Variants in LHX3 observed in about 807,000 individuals in gnomAD.
The protein encoded by LHX3 is LIM homeobox 3.
In LHX3, 21 loss-of-function variants were observed where a neutral mutation model predicts 32.4. That is an observed-to-expected ratio of 0.65 (90% CI 0.46 to 0.93). The LOEUF (loss-of-function observed/expected upper bound fraction) is 0.93, where lower values mean the gene tolerates loss of function less well. Ranked by LOEUF, LHX3 falls within the 40% of genes least tolerant of loss-of-function variation. The pLI is 0.00. For synonymous variants in LHX3, 258 were observed against 246.8 expected, an observed-to-expected ratio of 1.05 and a Z score of -0.43; for missense variants, 626 against 560.0, an observed-to-expected ratio of 1.12 and a Z score of -1.19.
rs548140963 is a variant in LHX3, at chr9:136,197,604, C to T, written c.915G>A (p.Gln305=). Residue 305 remains glutamine (Q), a synonymous_variant, in exon 6 of 6, where the codon CAG becomes CAA. Coordinates refer to ENST00000371748, the MANE Select transcript of LHX3 (RefSeq NM_178138.6). ...GGCTGCCGGGACGCAGCTCTCGGTACTGCTCTGGGCCTGCCAGGCCTCCAT... is the reference window on the plus strand; with the variant it reads ...GGCTGCCGGGACGCAGCTCTCGGTATTGCTCTGGGCCTGCCAGGCCTCCAT... ...LEHGGLAGPE[Q]YRELRPGSPY... The T allele has an allele frequency of 1.7e-4, 266 of 1,555,230 alleles. 2 individuals are homozygous for T. The South Asian group carries it at 2.9e-3, about 17-fold the overall frequency.
chr9:136,200,871 G>T, intron 1 of LHX3, 118 bp from the exon 2 acceptor site: 1 of 1,225,708 alleles, frequency 8.2e-7, no homozygotes, highest in Non-Finnish European at 1.2e-6. Flanking sequence ...CTGCCGAGGG[G>T]TCCTCCTTTC....
intron 1 of LHX3, among the ~76,000 whole-genome samples, chr9:136,204,637 A>AC (rs2131041724): frequency 6.6e-6 from 1 of 152,268 alleles, no homozygotes; most frequent in Admixed American, 6.5e-5. Flanking sequence ...GGCACTGGTC[A>AC]CCGGGGGAAC....
chr9:136,198,688 C>T lies in LHX3; in HGVS notation c.739G>A (p.Glu247Lys), dbSNP rs767763626. 109 of 1,610,234 alleles carry T rather than the reference C, an allele frequency of 6.8e-5. No individual in the cohort carries two copies. In the East Asian group the frequency reaches 2.3e-3, roughly 34 times the overall value. The change falls in exon 5 of 6, where the codon GAG (glutamate) becomes AAG (lysine). Residue 247 changes from glutamate to lysine, a missense_variant. By Grantham distance (56) the Glu-to-Lys change is moderately conservative. Transcript: ENST00000371748. ...ACCTCAGCGTCGCTGTCCTGCCCCT[C>T]CTGAACGCTGTCCTTGTCCGACTTG... ...GSKSDKDSVQ[E>K]GQDSDAEVSF...
rs747501839 is a variant in LHX3 at position 136,198,925 on chromosome 9, C to T, written c.589G>A (p.Asp197Asn). The part of the protein sequence containing the change: ...REQLSSETGL[D>N]MRVVQVWFQN... ...GCGCTGACCTGCACCACGCGCATGT[C>T]CAGGCCCGTCTCGGACGAGAGCTGC... Residue 197 changes from aspartate to asparagine, a missense_variant, in exon 4 of 6, where the codon GAC becomes AAC. By Grantham distance (23) the Asp-to-Asn change is conservative. Transcript: ENST00000371748. 4.4e-6 allele frequency: 7 copies of T among 1,588,610 alleles called. No individual in the cohort carries two copies. The highest frequency in any genetic ancestry group is 6.0e-6 in the Non-Finnish European group (7 of 1,172,032).
Position 136,198,735 on chromosome 9 carries a change from A to G in LHX3, c.692T>C (p.Met231Thr), listed in dbSNP as rs751427755. 6 of 1,611,354 alleles carry G rather than the reference A, an allele frequency of 3.7e-6. No homozygotes were observed. Among genetic ancestry groups the G allele is most frequent in the Non-Finnish European group, 5.1e-6 (6 of 1,179,816 alleles). The change falls in exon 5 of 6, where the codon ATG (methionine) becomes ACG (threonine). Residue 231 changes from methionine to threonine, a missense_variant. Met to Thr is a moderately conservative substitution (Grantham distance 81, BLOSUM62 -1). Transcript: ENST00000371748. The stretch of plus-strand genomic sequence containing the variant: ...CTTGGAGCCGCCGCGGGAGCGCTTC[A>G]TGTTGCGGAAATACTGCCCCCAGCG... Reference protein sequence around the residue: ...RQRWGQYFRNMKRSRGGSKSD... With the variant: ...RQRWGQYFRNTKRSRGGSKSD...
intron 2 of LHX3, 78 bp from the exon 3 acceptor site, chr9:136,199,958 C>A (rs1831599637): frequency 1.4e-6 from 2 of 1,443,430 alleles, no homozygotes. Context: ...GAGAGGCAAG[C>A]GGCTGCCTGG....
At position 136,198,816 on chromosome 9, in the gene LHX3, CA is replaced by C. The variant is rs1489239274; in HGVS notation, c.610del (p.Trp204GlyfsTer12). ...TGLDMRVVQV[W>X]FQNRRAKEKR... ...CTCCTTGGCCCGGCGGTTCTGGAAC[CA>C]AACCTGGGGGCGGGGCGGGGTGAGC... On this transcript the variant is annotated frameshift_variant, in exon 5 of 6. Coordinates refer to ENST00000371748, the MANE Select transcript of LHX3 (RefSeq NM_178138.6). LOFTEE classifies it high-confidence loss of function. 2 of 1,606,736 alleles carry C rather than the reference CA, an allele frequency of 1.2e-6. No individual in the cohort carries two copies.
chr9:136,199,579 C>T (rs1831585990), intron 3 of LHX3, 99 bp downstream of exon 3: 11 of 1,314,714 alleles, frequency 8.4e-6, no homozygotes, highest in South Asian at 1.2e-5. Flanking sequence ...CCTTAGTGAG[C>T]GCTTGGGGAG....
intron 1 of LHX3, chr9:136,201,418 C>G (rs775927371): frequency 8.1e-7 from 1 of 1,229,158 alleles, no homozygotes; most frequent in African/African-American, 1.6e-5. Context: ...TCTGGCTTCC[C>G]GCTGCTTCTG....
intron 1 of LHX3, among the ~76,000 whole-genome samples, chr9:136,203,328 G>A (rs1831692544): frequency 6.6e-6 from 1 of 151,866 alleles, no homozygotes; most frequent in Non-Finnish European, 1.5e-5. Context: ...GCCGCCCCGC[G>A]TGCCCGGCCC....
At chr9:136,197,779 C>T in intron 5 of LHX3, 36 bp from the exon 6 acceptor site, 2 of 1,594,948 alleles carry the variant, frequency 1.3e-6, no homozygotes, top group Non-Finnish European at 1.7e-6. Context: ...AGCGCCTGCC[C>T]TCCACCTGCG....
At chr9:136,203,593 G>C (rs12339630) in intron 1 of LHX3, among the ~76,000 whole-genome samples, 4,138 of 152,332 alleles carry the variant, frequency 0.027, 170 homozygotes, top group African/African-American at 0.089. Context: ...GTGGCGCCGA[G>C]GGCTGCGTAC....
chr9:136,198,506 G>C, intron 5 of LHX3, 146 bp downstream of exon 5: 1 of 968,114 alleles, frequency 1.0e-6, no homozygotes, highest in African/African-American at 1.6e-5. Flanking sequence ...GGGGGAGCAG[G>C]TTCTGTAAGT....
At chr9:136,200,448 C>G (rs924656644) in intron 2 of LHX3, 134 bp downstream of exon 2, 1 of 1,057,862 alleles carries the variant, frequency 9.5e-7, no homozygotes, top group Non-Finnish European at 1.4e-6. Context: ...GGTGCCCTGC[C>G]TGGGTGACAG....
chr9:136,198,729 C>T lies in LHX3; in HGVS notation c.698G>A (p.Arg233His), dbSNP rs1304479919. 3 of 1,611,542 alleles carry T rather than the reference C, an allele frequency of 1.9e-6. No individual in the cohort carries two copies. The highest frequency in any genetic ancestry group is 2.2e-5 in the East Asian group (1 of 44,836). Residue 233 changes from arginine (R) to histidine (H), a missense_variant, in exon 5 of 6, where the codon CGC becomes CAC. Coordinates refer to ENST00000371748, the MANE Select transcript of LHX3 (RefSeq NM_178138.6). ...RWGQYFRNMK[R>H]SRGGSKSDKD... ...GTCCGACTTGGAGCCGCCGCGGGAG[C>T]GCTTCATGTTGCGGAAATACTGCCC...
chr9:136,197,555 C>G lies in LHX3; in HGVS notation c.964G>C (p.Ala322Pro). ...GSPYGVPPSP[A>P]APQSLPGPQP... ...GGGCCAGGGAGGCTCTGCGGGGCGG[C>G]GGGGGATGGGGGGACACCGTAGGGG... The change falls in exon 6 of 6, where the codon GCC becomes CCC. Residue 322 changes from alanine to proline, a missense_variant. Coordinates refer to ENST00000371748, the MANE Select transcript of LHX3 (RefSeq NM_178138.6). 20 of 1,268,836 alleles carry G rather than the reference C, an allele frequency of 1.6e-5. No homozygotes were observed. The highest frequency in any genetic ancestry group is 2.2e-5 in the Admixed American group (1 of 45,152). The allele number at this position is 1,268,836 out of a possible 1,614,324, so 78.6% of individuals were successfully genotyped here.
intron 1 of LHX3, chr9:136,203,155 T>C: frequency 7.7e-7 from 1 of 1,306,922 alleles, no homozygotes; most frequent in Non-Finnish European, 9.7e-7. Flanking sequence ...TGCTGGGCGC[T>C]GCGCCCGCGG....
At position 136,200,769 on chromosome 9, in the gene LHX3, A is replaced by G; in HGVS notation, c.80-16T>C. On this transcript the variant is annotated splice_polypyrimidine_tract_variant and intron_variant, in intron 1 of 5. Transcript: ENST00000371748. ...AGCGGGATCTCTGTGGGCACGAGGA[A>G]GTTCTGGGTCACCTCGTAGACCAGG... The G allele has an allele frequency of 6.2e-7, 1 of 1,613,052 alleles. No individual in the cohort carries two copies. The highest frequency in any genetic ancestry group is 8.5e-7 in the Non-Finnish European group (1 of 1,179,956).
intron 1 of LHX3, 69 bp from the exon 2 acceptor site, chr9:136,200,822 A>C: frequency 3.2e-6 from 5 of 1,570,178 alleles, no homozygotes; most frequent in Non-Finnish European, 3.5e-6. Context: ...TCCCACCCCA[A>C]CGCGAGCCAG....
Sources: allele counts gnomAD v4.1 joint callset (sites outside exome capture counted in the v4.1 genomes callset), GRCh38; gene constraint gnomAD v4.1.1; transcripts MANE v1.5; gene names NCBI Gene and HGNC (gene_info 2026-07-23, HGNC 2026-07-21).